The following NF2 variants were observed in gnomAD, a reference collection of about 807,000 sequenced individuals.
The protein encoded by NF2 is NF2, moesin-ezrin-radixin like (MERLIN) tumor suppressor.
A neutral mutation model predicts 83.7 loss-of-function variants in NF2; 8 were observed. The observed-to-expected ratio is 0.10, with a 90% CI of 0.06 to 0.17. The LOEUF is 0.17. NF2 is among the 10% of genes least tolerant of loss of function. The pLI, the probability that NF2 is intolerant of heterozygous loss-of-function variation, is 1.00. For missense variants in NF2, 533 were observed against 744.4 expected, an observed-to-expected ratio of 0.72 and a Z score of 3.31; for synonymous variants, 266 against 269.6, an observed-to-expected ratio of 0.99 and a Z score of 0.13.
At chr22:29,670,535 G>A (rs1384300279) in intron 10 of NF2, among the ~76,000 whole-genome samples, 1 of 141,410 alleles carries the variant, frequency 7.1e-6, no homozygotes, top group Non-Finnish European at 1.6e-5. Flanking sequence ...GTGTGTGTGT[G>A]TGTATTTGGC....
chr22:29,678,079 T>C, intron 13 of NF2, 117 bp from the exon 14 acceptor site: 2 of 1,349,088 alleles, frequency 1.5e-6, no homozygotes, highest in Non-Finnish European at 2.1e-6. Flanking sequence ...CATTGGGAGG[T>C]GGGACCCGAG....
chr22:29,695,076 T>A lies in NF2; in HGVS notation c.*274T>A. On this transcript the variant is annotated 3_prime_UTR_variant, in exon 16 of 16. Transcript: ENST00000338641. The surrounding 1 kb of genome is among the most constrained non-coding windows in gnomAD (Gnocchi z 5.4). ...CTTCCTTTGTCTAATGTGGGATTCC[T>A]GACTCCCTTCGTCCAAGGCACCGGT... is the stretch of plus-strand genomic sequence containing the variant. The A allele has an allele frequency of 1.8e-6, 1 of 559,766 alleles. No homozygotes were observed. Among genetic ancestry groups the A allele is most frequent in the Non-Finnish European group, 3.2e-6 (1 of 311,416 alleles). The allele number at this position is 559,766 out of a possible 1,614,324, so 34.7% of individuals were successfully genotyped here. A position where few individuals can be genotyped will look rare whatever the true frequency, so the allele number is the denominator to read the frequency against.
At chr22:29,609,391 A>C in intron 1 of NF2, 1 of 559,556 alleles carries the variant, frequency 1.8e-6, no homozygotes, top group Non-Finnish European at 3.4e-6. Flanking sequence ...AGGCGAAGCT[A>C]ACATGATTGT....
At chr22:29,631,743 GGGC>G (rs2065517042) in intron 1 of NF2, among the ~76,000 whole-genome samples, 3 of 152,134 alleles carry the variant, frequency 2.0e-5, no homozygotes, top group Admixed American at 1.3e-4. Flanking sequence ...TATTTGCTAT[GGGC>G]CAAGCACTCT....
At chr22:29,681,149 C>T (rs1353988989) in intron 14 of NF2, among the ~76,000 whole-genome samples, 2 of 152,020 alleles carry the variant, frequency 1.3e-5, no homozygotes, top group Non-Finnish European at 1.5e-5. Flanking sequence ...CCTCAGCCAC[C>T]CAAAGTACTG....
intron 1 of NF2, among the ~76,000 whole-genome samples, chr22:29,607,873 A>C (rs967487339): frequency 3.9e-5 from 6 of 152,118 alleles, no homozygotes; most frequent in Non-Finnish European, 8.8e-5. Context: ...AAAATTCTGG[A>C]GTTGAAAGTA....
intron 4 of NF2, among the ~76,000 whole-genome samples, chr22:29,643,133 T>C (rs1260322053): frequency 6.6e-6 from 1 of 151,994 alleles, no homozygotes; most frequent in Non-Finnish European, 1.5e-5. Context: ...TGTGTGATTT[T>C]ATTTTATTTA....
At chr22:29,623,646 C>T (rs1601554057) in intron 1 of NF2, among the ~76,000 whole-genome samples, 1 of 152,196 alleles carries the variant, frequency 6.6e-6, no homozygotes, top group Non-Finnish European at 1.5e-5. Context: ...CCTCAGTCTC[C>T]GAAGTCAGTC....
rs565162659 is a variant in NF2 at position 29,688,664 on chromosome 22, T to C, written c.1738-6088T>C. Reference sequence around the variant, plus strand: ...GGTTTTCAGGCAGCTTTTGCTGCTTTGGGTCCCTCAGGGATTAATACACAA... The same window carrying C: ...GGTTTTCAGGCAGCTTTTGCTGCTTCGGGTCCCTCAGGGATTAATACACAA... On this transcript the variant is annotated intron_variant, in intron 15 of 15. Transcript: ENST00000338641. Among the ~76,000 whole-genome samples, 9 of 152,364 alleles carry C rather than the reference T, an allele frequency of 5.9e-5. No individual in the cohort carries two copies. In the South Asian group the frequency reaches 1.7e-3, roughly 28 times the overall value.
At chr22:29,624,230 C>T (rs932834961) in intron 1 of NF2, among the ~76,000 whole-genome samples, 31 of 152,014 alleles carry the variant, frequency 2.0e-4, no homozygotes, top group African/African-American at 6.5e-4. Flanking sequence ...TGTTTTTAGA[C>T]GGAATCTCCC....
chr22:29,663,174 CATAAAGCTGTATGTGTGCCACCGTATGGT>C (rs2066523958), intron 8 of NF2, among the ~76,000 whole-genome samples: 1 of 152,212 alleles, frequency 6.6e-6, no homozygotes, highest in Non-Finnish European at 1.5e-5. Context: ...TTCCACATGA[CATAAAGCTGTATGTGTGCCACCGTATGGT>C]AGTTTTTCAT....
chr22:29,677,862 T>G (rs1191267158), intron 13 of NF2, among the ~76,000 whole-genome samples: 12 of 152,248 alleles, frequency 7.9e-5, no homozygotes, highest in Non-Finnish European at 2.9e-5. Flanking sequence ...GATGCTGTCT[T>G]GTTTTCTGCA....
At chr22:29,642,642 T>C (rs1183241603) in intron 4 of NF2, among the ~76,000 whole-genome samples, 1 of 152,186 alleles carries the variant, frequency 6.6e-6, no homozygotes, top group Non-Finnish European at 1.5e-5. Flanking sequence ...TTTTCTTTTT[T>C]TTTTTTAAAC....
Position 29,607,948 on chromosome 22 carries a change from G to A in NF2, c.114+3836G>A, listed in dbSNP as rs551527545. Among the ~76,000 whole-genome samples the A allele has an allele frequency of 6.6e-5, 10 of 151,942 alleles. No homozygotes were observed. The East Asian group carries it at 1.8e-3, about 27-fold the overall frequency. ...AGCACTTTGGGAGGCTGAGGCGGGCGGATCACCTGAGGTCGGGAGTTCGAG... is the reference window on the plus strand; with the variant it reads ...AGCACTTTGGGAGGCTGAGGCGGGCAGATCACCTGAGGTCGGGAGTTCGAG... On this transcript the variant is annotated intron_variant, in intron 1 of 15. Coordinates refer to ENST00000338641, the MANE Select transcript of NF2 (RefSeq NM_000268.4).
Position 29,636,788 on chromosome 22 carries a change from G to T in NF2, c.152G>T (p.Cys51Phe). ...GGGAAGGACCTCTTTGATTTGGTGT[G>T]CCGGACTCTGGGGCTCCGAGAAACC... ...WKGKDLFDLV[C>F]RTLGLRETWF... is the part of the protein sequence containing the mutation. Residue 51 changes from cysteine (C) to phenylalanine (F), a missense_variant, in exon 2 of 16, where the codon TGC (cysteine) becomes TTC (phenylalanine). Around this residue, in one of 3 missense-constraint regions of NF2, gnomAD observed 326 missense variants for 475.1 expected, o/e 0.69. Transcript: ENST00000338641. This position sits in a 1 kb window ranked among gnomAD's most constrained non-coding sequence, Gnocchi z 4.4. 1 of 1,614,158 alleles carries T rather than the reference G, an allele frequency of 6.2e-7. No homozygotes were observed. The highest frequency in any genetic ancestry group is 1.1e-5 in the South Asian group (1 of 91,082).
chr22:29,690,283 G>A (rs1306049512), intron 15 of NF2, among the ~76,000 whole-genome samples: 2 of 152,224 alleles, frequency 1.3e-5, no homozygotes, highest in African/African-American at 4.8e-5. Flanking sequence ...GTCTTTTTAA[G>A]TAGACAGATG....
chr22:29,695,904 G>A lies in NF2; in HGVS notation c.*1102G>A, dbSNP rs891119679. ...TTTTCTGTTCCCTGGGGGCCAGCCA[G>A]GGCCCTTTGTGCCCCTCCCAGCACA... On this transcript the variant is annotated 3_prime_UTR_variant, in exon 16 of 16. Transcript: ENST00000338641. This position sits in a 1 kb window ranked among gnomAD's most constrained non-coding sequence, Gnocchi z 5.4. 8.6e-6 allele frequency: 2 copies of A among 233,344 alleles called. No individual in the cohort carries two copies. Among genetic ancestry groups the A allele is most frequent in the African/African-American group, 2.2e-5 (1 of 45,272 alleles). 14.5% of individuals were successfully genotyped at this position (233,344 alleles called of 1,614,324 possible).
chr22:29,662,413 C>T (rs1339688342), intron 8 of NF2, among the ~76,000 whole-genome samples: 2 of 152,194 alleles, frequency 1.3e-5, no homozygotes, highest in Non-Finnish European at 2.9e-5. Flanking sequence ...CAGGTGTGAG[C>T]CACTGTGCTC....
intron 4 of NF2, among the ~76,000 whole-genome samples, chr22:29,644,722 C>G (rs1218961738): frequency 6.6e-6 from 1 of 152,190 alleles, no homozygotes; most frequent in African/African-American, 2.4e-5. Context: ...AGCTGGAGAC[C>G]GGCCCGGCCA....
Sources: allele counts gnomAD v4.1 joint callset (sites outside exome capture counted in the v4.1 genomes callset), GRCh38; gene constraint gnomAD v4.1.1; regional missense constraint gnomAD v4.1.1; non-coding constraint Gnocchi (gnomAD v3.1); transcripts MANE v1.5; gene names NCBI Gene and HGNC (gene_info 2026-07-23, HGNC 2026-07-21).